The following SLC28A3 variants were observed in gnomAD, a reference collection of about 807,000 sequenced individuals.
SLC28A3 encodes the protein concentrative Na(+)-nucleoside cotransporter 3.
In SLC28A3, 68 loss-of-function variants were observed where a neutral mutation model predicts 84.2. That is an observed-to-expected ratio of 0.81 (90% CI 0.66 to 0.99). The LOEUF is 0.99. SLC28A3 is among the 50% of genes least tolerant of loss of function. SLC28A3 has a pLI of 0.00. For synonymous variants in SLC28A3, 267 were observed against 303.6 expected, an observed-to-expected ratio of 0.88 and a Z score of 1.25; for missense variants, 712 against 841.5, an observed-to-expected ratio of 0.85 and a Z score of 1.90.
intron 14 of SLC28A3, among the ~76,000 whole-genome samples, chr9:84,284,929 G>T (rs981385534): frequency 2.0e-5 from 3 of 152,204 alleles, no homozygotes; most frequent in Admixed American, 2.0e-4. Flanking sequence ...AAGGGAGAGT[G>T]CTTTAAGATC....
intron 10 of SLC28A3, 45 bp downstream of exon 10, chr9:84,292,623 G>T: frequency 6.8e-7 from 1 of 1,461,964 alleles, no homozygotes; most frequent in South Asian, 1.2e-5. Flanking sequence ...GGAAAGAGAC[G>T]ATCCATTTCA....
At chr9:84,292,475 GTCTCTCTC>G (rs57280644) in intron 10 of SLC28A3, 185 bp downstream of exon 10, 7 of 376,506 alleles carry the variant, frequency 1.9e-5, no homozygotes, top group South Asian at 3.9e-5. Flanking sequence ...CTCTCTCTCT[GTCTCTCTC>G]TCTCTCTCTC....
chr9:84,317,637 T>C (rs1453454004), intron 1 of SLC28A3, among the ~76,000 whole-genome samples: 1 of 152,144 alleles, frequency 6.6e-6, no homozygotes, highest in Non-Finnish European at 1.5e-5. Flanking sequence ...AGAGCCTTTC[T>C]TCACTATAGA....
intron 1 of SLC28A3, among the ~76,000 whole-genome samples, chr9:84,328,350 G>T: frequency 6.6e-6 from 1 of 150,586 alleles, no homozygotes; most frequent in South Asian, 2.1e-4. Context: ...AAAAAAACAT[G>T]ATCTGGCCAG....
chr9:84,345,915 G>T, the SLC28A3 span, among the ~76,000 whole-genome samples: 9 of 152,246 alleles, frequency 5.9e-5, no homozygotes, highest in East Asian at 1.5e-3. Flanking sequence ...AGAAGCTATG[G>T]CTCATTTTGT....
At chr9:84,351,257 C>T in the SLC28A3 span, among the ~76,000 whole-genome samples, 1 of 152,164 alleles carries the variant, frequency 6.6e-6, no homozygotes, top group Non-Finnish European at 1.5e-5. Flanking sequence ...AAAATTTTTT[C>T]AGCTCCATTA....
At chr9:84,330,829 G>A (rs953269878) in intron 1 of SLC28A3, among the ~76,000 whole-genome samples, 6 of 152,128 alleles carry the variant, frequency 3.9e-5, no homozygotes, top group African/African-American at 1.4e-4. Flanking sequence ...AAGGTGAAGA[G>A]TTATACCTAC....
At chr9:84,327,777 G>C (rs746330942) in intron 1 of SLC28A3, among the ~76,000 whole-genome samples, 2 of 151,928 alleles carry the variant, frequency 1.3e-5, no homozygotes, top group Non-Finnish European at 2.9e-5. Context: ...AATTAGCCGA[G>C]CATGGTGGCT....
rs767342863 is a variant in SLC28A3 at position 84,286,046 on chromosome 9, T to C, written c.1346A>G (p.Asn449Ser). 12 of 1,614,044 alleles carry C rather than the reference T, an allele frequency of 7.4e-6. No homozygotes were observed. Among genetic ancestry groups the C allele is most frequent in the African/African-American group, 6.7e-5 (5 of 74,932 alleles). Residue 449 changes from asparagine (N) to serine (S), a missense_variant, in exon 13 of 18, where the codon AAC becomes AGC. Asn to Ser is a conservative substitution (Grantham distance 46). Coordinates refer to ENST00000376238, the MANE Select transcript of SLC28A3 (RefSeq NM_001199633.2). ...GASSSISLVA[N>S]IAVNLIAFLA... ...GAAGGCAATCAGATTCACAGCGATGTTGGCCACCAGGGAGATGGAGGAGGA... is the reference window on the plus strand; with the variant it reads ...GAAGGCAATCAGATTCACAGCGATGCTGGCCACCAGGGAGATGGAGGAGGA...
At chr9:84,320,114 A>G (rs2118491745) in intron 1 of SLC28A3, among the ~76,000 whole-genome samples, 1 of 126,930 alleles carries the variant, frequency 7.9e-6, no homozygotes, top group South Asian at 2.6e-4. Flanking sequence ...CAGTGGCATG[A>G]TCTTGACTCA....
Position 84,294,222 on chromosome 9 carries a change from C to T in SLC28A3, c.915G>A (p.Leu305=). ...TTCTAATAATCCACTGCATCAGTCCCAGGTAGTACAGCATGGACATCACAG... is the reference window on the plus strand; with the variant it reads ...TTCTAATAATCCACTGCATCAGTCCTAGGTAGTACAGCATGGACATCACAG... ...FSTVMSMLYY[L]GLMQWIIRKV... Residue 305 remains leucine (L), a synonymous_variant, in exon 9 of 18, where the codon CTG becomes CTA. Coordinates refer to ENST00000376238, the MANE Select transcript of SLC28A3 (RefSeq NM_001199633.2). 1 of 1,614,104 alleles carries T rather than the reference C, an allele frequency of 6.2e-7. No homozygotes were observed. The highest frequency in any genetic ancestry group is 8.5e-7 in the Non-Finnish European group (1 of 1,179,966).
the SLC28A3 span, among the ~76,000 whole-genome samples, chr9:84,358,565 T>A: frequency 2.5e-4 from 38 of 152,294 alleles, 1 homozygote; most frequent in South Asian, 7.7e-3. Context: ...TCTAAGGGTA[T>A]GTCTAAGCTA....
chr9:84,297,366 A>G (rs968180385), intron 7 of SLC28A3, 68 bp from the exon 8 acceptor site: 1 of 1,290,596 alleles, frequency 7.7e-7, no homozygotes, highest in Non-Finnish European at 1.1e-6. Context: ...GTGCACAGGA[A>G]TGCTAGGCTC....
chr9:84,314,862 A>G (rs1382916474), intron 1 of SLC28A3, among the ~76,000 whole-genome samples: 2 of 152,200 alleles, frequency 1.3e-5, no homozygotes, highest in Non-Finnish European at 2.9e-5. Context: ...GCGGATCACG[A>G]GGTCAGGAGA....
intron 1 of SLC28A3, among the ~76,000 whole-genome samples, chr9:84,320,106 G>A (rs1170802188): frequency 7.4e-6 from 1 of 134,502 alleles, no homozygotes; most frequent in Non-Finnish European, 1.5e-5. Flanking sequence ...CTGGAGTGCA[G>A]TGGCATGATC....
chr9:84,316,810 G>A (rs988640230), intron 1 of SLC28A3, among the ~76,000 whole-genome samples: 1 of 152,032 alleles, frequency 6.6e-6, no homozygotes, highest in Non-Finnish European at 1.5e-5. Flanking sequence ...AGACCAGCCT[G>A]GCCAATATGG....
chr9:84,323,418 A>C (rs1826442731), intron 1 of SLC28A3, among the ~76,000 whole-genome samples: 1 of 145,226 alleles, frequency 6.9e-6, no homozygotes, highest in Non-Finnish European at 1.5e-5. Context: ...TTTATGATTC[A>C]GTACATGATT....
chr9:84,359,836 AC>A, the SLC28A3 span, among the ~76,000 whole-genome samples: 1 of 151,922 alleles, frequency 6.6e-6, no homozygotes, highest in East Asian at 1.9e-4. Flanking sequence ...CCGTGTTTCT[AC>A]AAAAAATACA....
intron 2 of SLC28A3, among the ~76,000 whole-genome samples, chr9:84,312,790 C>G (rs1826035357): frequency 6.6e-6 from 1 of 152,124 alleles, no homozygotes; most frequent in Admixed American, 6.6e-5. Context: ...CCGCCCACCT[C>G]AGCCTCCCAA....
Sources: gnomAD v4.1 joint callset for allele counts (sites outside exome capture counted in the v4.1 genomes callset) on GRCh38, gnomAD v4.1.1 for gene constraint, MANE v1.5 for transcripts, NCBI Gene and HGNC (gene_info 2026-07-23, HGNC 2026-07-21) for gene names.